The following UBA6 variants were observed in gnomAD, a reference collection of about 807,000 sequenced individuals.
The protein encoded by UBA6 is ubiquitin-like modifier-activating enzyme 6.
UBA6 carries 87 observed loss-of-function variants against 148.3 expected under a neutral mutation model. The observed-to-expected ratio is 0.59, with a 90% CI of 0.49 to 0.70. The LOEUF (loss-of-function observed/expected upper bound fraction) is 0.70, where lower values mean the gene tolerates loss of function less well. Ranked by LOEUF, UBA6 falls within the 30% of genes least tolerant of loss-of-function variation. UBA6 has a pLI of 0.00. For synonymous variants in UBA6, 376 were observed against 401.0 expected, an observed-to-expected ratio of 0.94 and a Z score of 0.75; for missense variants, 1,186 against 1,241.2, an observed-to-expected ratio of 0.96 and a Z score of 0.67.
At chr4:67,623,267 C>T (rs753918804) in intron 30 of UBA6, 45 bp from the exon 31 acceptor site, 6 of 1,475,642 alleles carry the variant, frequency 4.1e-6, no homozygotes, top group Non-Finnish European at 5.7e-6. Context: ...AAATTTTCTT[C>T]CTTTTAGTGA....
intron 17 of UBA6, among the ~76,000 whole-genome samples, chr4:67,643,445 G>A (rs1184922131): frequency 6.6e-6 from 1 of 151,820 alleles, no homozygotes; most frequent in Non-Finnish European, 1.5e-5. Context: ...AAGTTTTAGT[G>A]GTCTTAAATT....
intron 7 of UBA6, among the ~76,000 whole-genome samples, chr4:67,671,074 CAT>C (rs1163371255): frequency 6.6e-6 from 1 of 152,130 alleles, no homozygotes; most frequent in African/African-American, 2.4e-5. Context: ...GAAAAACTGA[CAT>C]CACAAATCAA....
intron 28 of UBA6, among the ~76,000 whole-genome samples, chr4:67,626,026 T>G (rs1728858998): frequency 6.6e-6 from 1 of 151,978 alleles, no homozygotes; most frequent in African/African-American, 2.4e-5. Context: ...CCCATTAAAC[T>G]GAATTTTTAA....
At chr4:67,660,816 A>G (rs1011298893) in intron 13 of UBA6, among the ~76,000 whole-genome samples, 1 of 152,230 alleles carries the variant, frequency 6.6e-6, no homozygotes, top group Non-Finnish European at 1.5e-5. Context: ...ATGCCAACTC[A>G]TGAAAGCAGT....
intron 27 of UBA6, among the ~76,000 whole-genome samples, chr4:67,627,567 G>A (rs368788607): frequency 1.3e-5 from 2 of 151,970 alleles, no homozygotes; most frequent in South Asian, 4.2e-4. Context: ...TGGAAACATG[G>A]GCTGGGAACC....
chr4:67,700,614 G>C (rs1730955712), intron 1 of UBA6, among the ~76,000 whole-genome samples: 1 of 151,740 alleles, frequency 6.6e-6, no homozygotes, highest in African/African-American at 2.4e-5. Flanking sequence ...AGTTCCTTCT[G>C]GTAATAGTTT....
chr4:67,671,079 C>T (rs1730137374), intron 7 of UBA6, among the ~76,000 whole-genome samples: 1 of 152,042 alleles, frequency 6.6e-6, no homozygotes, highest in Admixed American at 6.6e-5. Context: ...ACTGACATCA[C>T]AAATCAAAGC....
Position 67,635,350 on chromosome 4 carries a change from G to C in UBA6, c.1842+103C>G, listed in dbSNP as rs1309395755. On this transcript the variant is annotated intron_variant, in intron 20 of 32. Transcript: ENST00000322244. ...CACATATGTATGAACATCATTGGCA[G>C]AGCAAAATCAGAAGGATTAGGAAAG... 6 of 682,668 alleles carry C rather than the reference G, an allele frequency of 8.8e-6. No individual in the cohort carries two copies. The South Asian group carries it at 1.2e-4, about 13-fold the overall frequency. The allele number at this position is 682,668 out of a possible 1,614,324, so 42.3% of individuals were successfully genotyped here. A position where few individuals can be genotyped will look rare whatever the true frequency, so the allele number is the denominator to read the frequency against.
chr4:67,652,476 C>T (rs182730230), intron 13 of UBA6, among the ~76,000 whole-genome samples: 100 of 152,346 alleles, frequency 6.6e-4, no homozygotes, highest in African/African-American at 2.3e-3. Context: ...TTCTCATACA[C>T]TTCTGGTGAG....
chr4:67,667,083 T>C (rs557097607), intron 9 of UBA6, among the ~76,000 whole-genome samples: 1 of 152,284 alleles, frequency 6.6e-6, no homozygotes, highest in African/African-American at 2.4e-5. Context: ...CTTTATTTCT[T>C]TACATGCTGT....
At chr4:67,632,981 T>C (rs1236416660) in intron 23 of UBA6, among the ~76,000 whole-genome samples, 1 of 152,200 alleles carries the variant, frequency 6.6e-6, no homozygotes, top group African/African-American at 2.4e-5. Flanking sequence ...TGCCAGGCTC[T>C]GTTCTAAATG....
intron 23 of UBA6, among the ~76,000 whole-genome samples, chr4:67,632,268 AG>A (rs1205471693): frequency 1.3e-5 from 2 of 150,376 alleles, no homozygotes; most frequent in Admixed American, 1.3e-4. Context: ...TAACAAAACC[AG>A]AAAAAACACA....
chr4:67,661,244 C>T (rs1729848078), intron 13 of UBA6, among the ~76,000 whole-genome samples: 1 of 152,122 alleles, frequency 6.6e-6, no homozygotes, highest in Non-Finnish European at 1.5e-5. Flanking sequence ...ACATGAGATT[C>T]AGGGGGTACC....
At chr4:67,630,572 A>T (rs1162793034) in intron 25 of UBA6, 37 bp from the exon 26 acceptor site, 2 of 1,390,628 alleles carry the variant, frequency 1.4e-6, no homozygotes, top group African/African-American at 2.9e-5. Context: ...ATTTGAATGT[A>T]CAGTTTTAAA....
chr4:67,615,940 G>A lies in UBA6; in HGVS notation c.*3057C>T, dbSNP rs539298904. 8.7e-6 allele frequency: 3 copies of A among 345,822 alleles called. No individual in the cohort carries two copies. The highest frequency in any genetic ancestry group is 4.8e-5 in the Admixed American group (1 of 20,892). The allele number at this position is 345,822 out of a possible 1,614,324, so 21.4% of individuals were successfully genotyped here. A position where few individuals can be genotyped will look rare whatever the true frequency, so the allele number is the denominator to read the frequency against. On this transcript the variant is annotated 3_prime_UTR_variant, in exon 33 of 33. Transcript: ENST00000322244. Reference sequence around the variant, plus strand: ...GGAAGGAACTACATGTGTAATTTCTGAACTGCTGTCAATATATTCTACTAA... The same window carrying A: ...GGAAGGAACTACATGTGTAATTTCTAAACTGCTGTCAATATATTCTACTAA...
rs1728591676 is a variant in UBA6 at position 67,614,590 on chromosome 4, T to A, written c.*4407A>T. On this transcript the variant is annotated 3_prime_UTR_variant, in exon 33 of 33. Coordinates refer to ENST00000322244, the MANE Select transcript of UBA6 (RefSeq NM_018227.6). ...AAATTAATTCCTCATGAAAAAAATT[T>A]AAATATGAAAGGCAAAACTAAAGCT... The A allele has an allele frequency of 6.6e-6, 1 of 152,156 alleles. No individual in the cohort carries two copies. The highest frequency in any genetic ancestry group is 2.1e-4 in the South Asian group (1 of 4,828). The allele number at this position is 152,156 out of a possible 1,614,324, so 9.4% of individuals were successfully genotyped here. A position where few individuals can be genotyped will look rare whatever the true frequency, so the allele number is the denominator to read the frequency against.
intron 2 of UBA6, among the ~76,000 whole-genome samples, chr4:67,691,115 A>T (rs1445049539): frequency 6.6e-6 from 1 of 152,096 alleles, no homozygotes; most frequent in Non-Finnish European, 1.5e-5. Flanking sequence ...TATACTGAAA[A>T]TTTTTTTGGA....
rs1015888569 is a variant in UBA6, at chr4:67,639,043, A to G, written c.1636T>C (p.Cys546Arg). ...TTGTAAATGGTCTCAGTGGTTGGAC[A>G]TACTTTGTTCAGGTGTGCATCTATC... The part of the protein sequence containing the change: ...IKIDAHLNKV[C>R]PTTETIYNDE... The change falls in exon 19 of 33, where the codon TGT becomes CGT. Residue 546 changes from cysteine (C) to arginine (R), a missense_variant. Coordinates refer to ENST00000322244, the MANE Select transcript of UBA6 (RefSeq NM_018227.6). The G allele has an allele frequency of 3.7e-6, 6 of 1,613,226 alleles. 1 individual carries two copies. The highest frequency in any genetic ancestry group is 2.2e-5 in the South Asian group (2 of 91,074).
intron 27 of UBA6, among the ~76,000 whole-genome samples, chr4:67,626,926 C>T (rs1728882707): frequency 6.6e-6 from 1 of 151,924 alleles, no homozygotes; most frequent in Non-Finnish European, 1.5e-5. Flanking sequence ...TGTTGCTTTG[C>T]TCTAACTAGT....
Sources: allele counts gnomAD v4.1 joint callset (sites outside exome capture counted in the v4.1 genomes callset), GRCh38; gene constraint gnomAD v4.1.1; transcripts MANE v1.5; gene names NCBI Gene and HGNC (gene_info 2026-07-23, HGNC 2026-07-21).